TMEM63C: variants seen among roughly 807,000 people sequenced by gnomAD.
TMEM63C encodes transmembrane protein 63C.
A neutral mutation model predicts 99.2 loss-of-function variants in TMEM63C; 32 were observed. The observed-to-expected ratio is 0.32, with a 90% CI of 0.24 to 0.43. TMEM63C has a LOEUF of 0.43. Among genes scored for constraint, TMEM63C ranks in the 20% least tolerant of loss-of-function variants. TMEM63C has a pLI of 1.00. For missense variants in TMEM63C, 826 were observed against 1,053.0 expected, an observed-to-expected ratio of 0.78 and a Z score of 2.98; for synonymous variants, 376 against 397.9, an observed-to-expected ratio of 0.94 and a Z score of 0.66.
chr14:77,224,888 A>C (rs1888789568), intron 5 of TMEM63C, among the ~76,000 whole-genome samples: 1 of 152,022 alleles, frequency 6.6e-6, no homozygotes, highest in South Asian at 2.1e-4. Flanking sequence ...GGCTGGACTC[A>C]AACTCCTGGG....
chr14:77,219,659 G>T, intron 4 of TMEM63C, 82 bp downstream of exon 4: 1 of 1,432,818 alleles, frequency 7.0e-7, no homozygotes, highest in East Asian at 2.3e-5. Context: ...TCTGCCCAGC[G>T]CCCGAGCTGC....
chr14:77,214,127 C>T (rs1888540129), intron 2 of TMEM63C, among the ~76,000 whole-genome samples: 1 of 152,100 alleles, frequency 6.6e-6, no homozygotes, highest in Non-Finnish European at 1.5e-5. Flanking sequence ...TTCCATGGTG[C>T]CCCCTGGATC....
intron 1 of TMEM63C, among the ~76,000 whole-genome samples, chr14:77,207,909 T>C (rs533548827): frequency 2.0e-5 from 3 of 152,342 alleles, no homozygotes; most frequent in African/African-American, 7.2e-5. Context: ...GCTTCATTCC[T>C]GCTTGTTGGA....
At position 77,256,721 on chromosome 14, in the gene TMEM63C, C is replaced by G; in HGVS notation, c.2416C>G (p.His806Asp). 1 of 1,613,724 alleles carries G rather than the reference C, an allele frequency of 6.2e-7. No individual in the cohort carries two copies. The highest frequency in any genetic ancestry group is 8.5e-7 in the Non-Finnish European group (1 of 1,179,736). The change falls in exon 24 of 24, where the codon CAC becomes GAC. Residue 806 changes from histidine to aspartate, a missense_variant. Physicochemically the swap from His to Asp is moderately conservative, Grantham distance 81. Transcript: ENST00000298351. ...GGAACTGGAGGGCCAGAACCAGTACCACTGACCGGGACCTGAGGCCTCCAC... is the reference window on the plus strand; with the variant it reads ...GGAACTGGAGGGCCAGAACCAGTACGACTGACCGGGACCTGAGGCCTCCAC... ...GLELEGQNQY[H>D]
At chr14:77,247,901 T>A (rs1721613512) in intron 18 of TMEM63C, among the ~76,000 whole-genome samples, 1 of 152,204 alleles carries the variant, frequency 6.6e-6, no homozygotes, top group Non-Finnish European at 1.5e-5. Flanking sequence ...CACCATGCCC[T>A]GCCGTATTGC....
intron 1 of TMEM63C, among the ~76,000 whole-genome samples, chr14:77,182,419 A>G (rs1887929806): frequency 6.6e-6 from 1 of 152,106 alleles, no homozygotes; most frequent in Non-Finnish European, 1.5e-5. Flanking sequence ...CCCTTTCCCC[A>G]TGTGCTTCCA....
At chr14:77,243,268 CT>C (rs1208065788) in intron 15 of TMEM63C, among the ~76,000 whole-genome samples, 1 of 152,094 alleles carries the variant, frequency 6.6e-6, no homozygotes, top group Non-Finnish European at 1.5e-5. Context: ...GGGACCAGGG[CT>C]AGAGTGGGAA....
intron 1 of TMEM63C, among the ~76,000 whole-genome samples, chr14:77,191,538 C>CTTTTTTTTTTTTTTTTT (rs71125542): frequency 1.3e-4 from 11 of 82,608 alleles, no homozygotes; most frequent in African/African-American, 3.0e-4. Flanking sequence ...TTTTCTTTTT[C>CTTTTTTTTTTTTTTTTT]TTTTTTTTTT....
chr14:77,227,240 G>A (rs148989585), intron 6 of TMEM63C, among the ~76,000 whole-genome samples: 12 of 152,314 alleles, frequency 7.9e-5, no homozygotes, highest in Admixed American at 4.6e-4. Context: ...CAGTTAAGGA[G>A]GCTATTCCAA....
At chr14:77,227,713 C>T (rs779118985) in intron 6 of TMEM63C, among the ~76,000 whole-genome samples, 13 of 152,170 alleles carry the variant, frequency 8.5e-5, no homozygotes, top group Non-Finnish European at 1.2e-4. Context: ...TAGGGTGGGG[C>T]GACCCAGAAA....
chr14:77,218,850 A>T lies in TMEM63C; in HGVS notation c.37A>T (p.Arg13Trp). ...ACCAGACGACCTGAGTACAGGGGGA[A>T]GGTTACAGAACATGACAGTGGATGA... ...ASPDDLSTGG[R>W]LQNMTVDECF... Residue 13 changes from arginine (R) to tryptophan (W), a missense_variant, in exon 3 of 24, where the codon AGG becomes TGG. Physicochemically the swap from Arg to Trp is moderately radical, Grantham distance 101. Transcript: ENST00000298351. 1 of 1,613,702 alleles carries T rather than the reference A, an allele frequency of 6.2e-7. No individual in the cohort carries two copies. The highest frequency in any genetic ancestry group is 8.5e-7 in the Non-Finnish European group (1 of 1,179,780).
intron 16 of TMEM63C, among the ~76,000 whole-genome samples, chr14:77,244,730 C>T (rs1206692125): frequency 6.6e-6 from 1 of 152,204 alleles, no homozygotes; most frequent in Non-Finnish European, 1.5e-5. Flanking sequence ...GCTTCTCCCT[C>T]AGCCCCCAGC....
intron 5 of TMEM63C, among the ~76,000 whole-genome samples, chr14:77,223,846 A>G (rs115606376): frequency 0.022 from 3,372 of 152,194 alleles, 115 homozygotes; most frequent in African/African-American, 0.077. Context: ...AGTGGTACCT[A>G]ATCATGAGGG....
chr14:77,214,018 G>A (rs915356590), intron 2 of TMEM63C, among the ~76,000 whole-genome samples: 6 of 152,034 alleles, frequency 3.9e-5, no homozygotes, highest in African/African-American at 1.4e-4. Flanking sequence ...AGCACAAGCA[G>A]CCCAGACTCC....
chr14:77,217,938 T>C (rs903075844), intron 2 of TMEM63C, among the ~76,000 whole-genome samples: 1 of 152,074 alleles, frequency 6.6e-6, no homozygotes, highest in African/African-American at 2.4e-5. Context: ...ACCAGAGGCT[T>C]AGAAGGATAT....
intron 5 of TMEM63C, among the ~76,000 whole-genome samples, chr14:77,221,781 G>A (rs139909556): frequency 6.0e-5 from 9 of 149,242 alleles, no homozygotes; most frequent in Non-Finnish European, 1.0e-4. Context: ...TCCCCCCACC[G>A]CTAAATCCAA....
intron 1 of TMEM63C, among the ~76,000 whole-genome samples, chr14:77,193,906 G>A (rs927106450): frequency 6.6e-6 from 1 of 151,948 alleles, no homozygotes; most frequent in East Asian, 1.9e-4. Flanking sequence ...AGATGGAGGT[G>A]GAAAGATCAC....
chr14:77,228,093 A>C (rs1322252957), intron 6 of TMEM63C, among the ~76,000 whole-genome samples: 1 of 152,186 alleles, frequency 6.6e-6, no homozygotes, highest in Non-Finnish European at 1.5e-5. Flanking sequence ...GCACGTCTTC[A>C]GAAAGAGGTG....
At chr14:77,225,852 C>T (rs568501007) in intron 6 of TMEM63C, among the ~76,000 whole-genome samples, 1 of 152,134 alleles carries the variant, frequency 6.6e-6, no homozygotes, top group East Asian at 2.0e-4. Context: ...AAGCAAACAT[C>T]GGGCAGAAGG....
Sources: gnomAD v4.1 joint callset for allele counts (sites outside exome capture counted in the v4.1 genomes callset) on GRCh38, gnomAD v4.1.1 for gene constraint, MANE v1.5 for transcripts, NCBI Gene and HGNC (gene_info 2026-07-23, HGNC 2026-07-21) for gene names.